CWF19L2: variants seen among roughly 807,000 people sequenced by gnomAD.
CWF19L2 encodes the protein CWF19 like cell cycle control factor 2.
In CWF19L2, 98 loss-of-function variants were observed where a neutral mutation model predicts 111.7. The ratio of observed to expected loss-of-function variants is 0.88; its 90% confidence interval spans 0.75 to 1.04. The LOEUF (loss-of-function observed/expected upper bound fraction) is 1.04, where lower values mean the gene tolerates loss of function less well. Among genes scored for constraint, CWF19L2 ranks in the 50% least tolerant of loss-of-function variants. The pLI is 0.00. For synonymous variants in CWF19L2, 351 were observed against 342.9 expected (o/e 1.02, Z -0.26); for missense variants, 1,101 against 1,051.4 (o/e 1.05, Z -0.65).
chr11:107,343,155 T>C (rs1205375242), intron 14 of CWF19L2, among the ~76,000 whole-genome samples: 1 of 152,240 alleles, frequency 6.6e-6, no homozygotes, highest in Non-Finnish European at 1.5e-5. Context: ...TTTTAAGTTC[T>C]TTTATATCCT....
At chr11:107,392,569 T>C (rs558741763) in intron 11 of CWF19L2, among the ~76,000 whole-genome samples, 1 of 152,310 alleles carries the variant, frequency 6.6e-6, no homozygotes, top group South Asian at 2.1e-4. Context: ...TGTTAACAAC[T>C]ATTTGAAAAA....
intron 12 of CWF19L2, among the ~76,000 whole-genome samples, chr11:107,356,756 G>A (rs1387934732): frequency 6.6e-6 from 1 of 152,158 alleles, no homozygotes; most frequent in Non-Finnish European, 1.5e-5. Flanking sequence ...ACTGAGGCTA[G>A]GCCAGGCACA....
Position 107,416,258 on chromosome 11 carries a change from T to A in CWF19L2, c.1568A>T (p.Asn523Ile). The change falls in exon 10 of 18, where the codon AAT (asparagine) becomes ATT (isoleucine). Residue 523 changes from asparagine to isoleucine, a missense_variant. Transcript: ENST00000282251. ...EQLKVQLEKA[N>I]KFKETITQIP... ...CTGTGTTATAGTTTCTTTGAATTTATTTGCCTTTTCAAGTTGAACTTTAAG... is the reference window on the plus strand; with the variant it reads ...CTGTGTTATAGTTTCTTTGAATTTAATTGCCTTTTCAAGTTGAACTTTAAG... The A allele has an allele frequency of 1.3e-6, 2 of 1,488,678 alleles. No individual in the cohort carries two copies. Among genetic ancestry groups the A allele is most frequent in the Non-Finnish European group, 1.8e-6 (2 of 1,111,384 alleles). The allele number at this position is 1,488,678 out of a possible 1,614,324, so 92.2% of individuals were successfully genotyped here.
chr11:107,455,921 C>A, intron 1 of CWF19L2, 145 bp from the exon 2 acceptor site: 1 of 558,102 alleles, frequency 1.8e-6, no homozygotes, highest in South Asian at 2.4e-5. Context: ...ATTTGCTTCT[C>A]CAGTGTAAAA....
intron 12 of CWF19L2, among the ~76,000 whole-genome samples, chr11:107,360,795 A>AT (rs1860317022): frequency 6.6e-6 from 1 of 152,174 alleles, no homozygotes; most frequent in Non-Finnish European, 1.5e-5. Context: ...CTTTTGAAAG[A>AT]TATCTATTCA....
In CWF19L2 at chr11:107,368,402, T is replaced by C. The variant is rs183650246; in HGVS notation, c.1873-14666A>G. 5.7e-4 allele frequency among the ~76,000 whole-genome samples: 79 copies of C among 137,866 alleles called. 16 individuals are homozygous for C. The highest frequency in any genetic ancestry group is 7.2e-4 in the Non-Finnish European group (46 of 64,156). The allele number at this position is 137,866 out of a possible 152,430, so 90.4% of individuals were successfully genotyped here. A position where few individuals can be genotyped will look rare whatever the true frequency, so the allele number is the denominator to read the frequency against. On this transcript the variant is annotated intron_variant, in intron 12 of 17. Coordinates refer to ENST00000282251, the MANE Select transcript of CWF19L2 (RefSeq NM_152434.3). ...GATTGAACGAACCACTGGCCTTTCT[T>C]CCCTATCTAACTCTTCCAAATCAGA... is the stretch of plus-strand genomic sequence containing the variant.
At chr11:107,365,093 C>T (rs1203714058) in intron 12 of CWF19L2, among the ~76,000 whole-genome samples, 12 of 129,682 alleles carry the variant, frequency 9.3e-5, no homozygotes, top group Admixed American at 7.0e-4. Context: ...ATAAATTCCT[C>T]GACACATACA....
chr11:107,334,315 A>G (rs988050357), intron 16 of CWF19L2, among the ~76,000 whole-genome samples: 5 of 152,246 alleles, frequency 3.3e-5, no homozygotes, highest in African/African-American at 1.2e-4. Context: ...GACGTGCTCA[A>G]CTTAAGTGTA....
intron 17 of CWF19L2, among the ~76,000 whole-genome samples, chr11:107,327,543 A>G (rs889155879): frequency 1.3e-5 from 2 of 152,212 alleles, no homozygotes; most frequent in African/African-American, 4.8e-5. Context: ...ACAAAATCCT[A>G]TTGTAATACT....
intron 12 of CWF19L2, among the ~76,000 whole-genome samples, chr11:107,356,576 AT>A (rs1344669577): frequency 6.6e-6 from 1 of 152,212 alleles, no homozygotes; most frequent in Non-Finnish European, 1.5e-5. Flanking sequence ...TTTTAAATTT[AT>A]TTTAACTTTA....
At chr11:107,404,056 C>G in intron 10 of CWF19L2, 1 of 769,998 alleles carries the variant, frequency 1.3e-6, no homozygotes, top group Non-Finnish European at 2.4e-6. Context: ...TCATAATCAT[C>G]TGGATCTTCA....
At chr11:107,429,787 T>C (rs1375706313) in intron 7 of CWF19L2, among the ~76,000 whole-genome samples, 6 of 139,542 alleles carry the variant, frequency 4.3e-5, no homozygotes, top group Admixed American at 1.5e-4. Context: ...GAGGTTAAAT[T>C]GCTAAAACAG....
At chr11:107,411,329 T>C (rs548890139) in intron 10 of CWF19L2, among the ~76,000 whole-genome samples, 4 of 152,262 alleles carry the variant, frequency 2.6e-5, no homozygotes, top group Non-Finnish European at 5.9e-5. Flanking sequence ...TTATATTGTG[T>C]TTAAGTAAAA....
intron 10 of CWF19L2, among the ~76,000 whole-genome samples, chr11:107,397,327 G>T (rs115794301): frequency 2.6e-5 from 4 of 152,086 alleles, no homozygotes; most frequent in Non-Finnish European, 2.9e-5. Context: ...GTTGGTGGGG[G>T]CACAGTGAGA....
chr11:107,395,216 C>CG (rs1279211234), intron 10 of CWF19L2, among the ~76,000 whole-genome samples: 1 of 152,100 alleles, frequency 6.6e-6, no homozygotes, highest in Non-Finnish European at 1.5e-5. Flanking sequence ...GTTTTAAAAA[C>CG]GGGAATTTCT....
chr11:107,437,593 T>C (rs866165855), intron 6 of CWF19L2, among the ~76,000 whole-genome samples: 1 of 152,272 alleles, frequency 6.6e-6, no homozygotes, highest in East Asian at 1.9e-4. Flanking sequence ...TCTTTCTGAA[T>C]AAACATAAGA....
chr11:107,454,411 C>G, intron 3 of CWF19L2, 39 bp downstream of exon 3: 1 of 1,272,108 alleles, frequency 7.9e-7, no homozygotes, highest in Non-Finnish European at 1.0e-6. Flanking sequence ...ATAAAATGTT[C>G]TCAAATAGCT....
At chr11:107,403,658 G>A (rs1861038747) in intron 10 of CWF19L2, 2 of 775,336 alleles carry the variant, frequency 2.6e-6, no homozygotes, top group East Asian at 4.9e-5. Context: ...ACCTTTGTTT[G>A]GTGCTTGTTC....
chr11:107,428,337 C>A (rs2135408048), intron 8 of CWF19L2, among the ~76,000 whole-genome samples: 1 of 152,216 alleles, frequency 6.6e-6, no homozygotes, highest in South Asian at 2.1e-4. Flanking sequence ...TCTGCAAGAT[C>A]TCTGGCATGT....
Sources: gnomAD v4.1 joint callset for allele counts (sites outside exome capture counted in the v4.1 genomes callset) on GRCh38, gnomAD v4.1.1 for gene constraint, MANE v1.5 for transcripts, NCBI Gene and HGNC (gene_info 2026-07-23, HGNC 2026-07-21) for gene names.